Variants in PBLD observed in about 807,000 individuals in gnomAD.
PBLD encodes the protein phenazine biosynthesis like protein domain containing, also known as phenazine biosynthesis-like domain-containing protein.
Under a neutral mutation model 31.3 loss-of-function variants are expected in PBLD, and 26 were observed. The ratio of observed to expected loss-of-function variants is 0.83; its 90% CI spans 0.61 to 1.15. The LOEUF (loss-of-function observed/expected upper bound fraction) is 1.15. PBLD is among the 50% of genes most tolerant of loss of function. The pLI, the probability that PBLD is intolerant of heterozygous loss-of-function variation, is 0.00. For synonymous variants in PBLD, 114 were observed against 129.0 expected (o/e 0.88, Z 0.79); for missense variants, 307 against 351.7 (o/e 0.87, Z 1.02).
At chr10:68,327,860 A>T (rs1477166685) in intron 1 of PBLD, among the ~76,000 whole-genome samples, 3 of 152,168 alleles carry the variant, frequency 2.0e-5, no homozygotes, top group Admixed American at 1.3e-4. Context: ...ATTCACTGGA[A>T]CAAAAAGAAT....
chr10:68,332,518 C>G (rs531757806), intron 1 of PBLD, among the ~76,000 whole-genome samples: 2 of 152,324 alleles, frequency 1.3e-5, no homozygotes, highest in Admixed American at 1.3e-4. Flanking sequence ...GGTACAGTGG[C>G]GCGGCCACCT....
intron 1 of PBLD, among the ~76,000 whole-genome samples, chr10:68,324,504 C>T (rs1378918418): frequency 2.0e-5 from 3 of 152,008 alleles, no homozygotes; most frequent in African/African-American, 7.2e-5. Flanking sequence ...CCTCCTGTAT[C>T]TATCCCTAAT....
Position 68,284,280 on chromosome 10 carries a change from C to T in PBLD, c.764G>A (p.Cys255Tyr), listed in dbSNP as rs777176794. 4 of 1,612,990 alleles carry T rather than the reference C, an allele frequency of 2.5e-6. No homozygotes were observed. Among genetic ancestry groups the T allele is most frequent in the Non-Finnish European group, 3.4e-6 (4 of 1,179,068 alleles). ...TCCCAGCTCTCCTCCTCGGTGGGAA[C>T]ACTGAAAAGCTAAAGAAAACAAACA... ...LGKKEMHAFQ[C>Y]SHRGGELGIS... is the part of the protein sequence containing the mutation. Residue 255 changes from cysteine to tyrosine, a missense_variant, in exon 10 of 10, where the codon TGT (cysteine) becomes TAT (tyrosine). Physicochemically the swap from Cys to Tyr is radical, Grantham distance 194. Coordinates refer to ENST00000358769, the MANE Select transcript of PBLD (RefSeq NM_022129.4).
intron 1 of PBLD, among the ~76,000 whole-genome samples, chr10:68,307,566 C>G (rs1236535323): frequency 6.6e-6 from 1 of 152,078 alleles, no homozygotes; most frequent in African/African-American, 2.4e-5. Context: ...GTGGCATGAT[C>G]TTGGCTCACT....
At chr10:68,307,522 C>A (rs541571912) in intron 1 of PBLD, among the ~76,000 whole-genome samples, 3 of 151,780 alleles carry the variant, frequency 2.0e-5, no homozygotes, top group East Asian at 3.9e-4. Context: ...TTTTTTGAGA[C>A]GGAGCATCGC....
At chr10:68,303,839 T>C (rs983981441) in intron 2 of PBLD, among the ~76,000 whole-genome samples, 7 of 151,918 alleles carry the variant, frequency 4.6e-5, no homozygotes, top group African/African-American at 1.5e-4. Flanking sequence ...AAAAATCATC[T>C]GAAGCCCTGC....
intron 6 of PBLD, 41 bp downstream of exon 6, chr10:68,291,969 A>G: frequency 6.5e-7 from 1 of 1,531,434 alleles, no homozygotes; most frequent in Non-Finnish European, 9.0e-7. Flanking sequence ...TGTGCAAACA[A>G]TAACAAATAA....
At chr10:68,290,751 T>A (rs968253783) in intron 6 of PBLD, among the ~76,000 whole-genome samples, 1 of 152,164 alleles carries the variant, frequency 6.6e-6, no homozygotes, top group African/African-American at 2.4e-5. Flanking sequence ...TGGCTGGGAA[T>A]CTTACTGCCA....
intron 2 of PBLD, among the ~76,000 whole-genome samples, chr10:68,298,348 C>A (rs1319139440): frequency 6.6e-6 from 1 of 151,898 alleles, no homozygotes; most frequent in Non-Finnish European, 1.5e-5. Flanking sequence ...ATAATCCCAG[C>A]ACTTTGGGAG....
At chr10:68,322,559 G>A (rs1240081421) in intron 1 of PBLD, among the ~76,000 whole-genome samples, 1 of 151,194 alleles carries the variant, frequency 6.6e-6, no homozygotes, top group East Asian at 2.0e-4. Flanking sequence ...AGCTAGTTGG[G>A]AGGCTAAGGC....
intron 7 of PBLD, 59 bp from the exon 8 acceptor site, chr10:68,288,720 G>A: frequency 6.4e-7 from 1 of 1,561,616 alleles, no homozygotes; most frequent in East Asian, 2.2e-5. Flanking sequence ...TCACCACACA[G>A]ACTCTGTGAA....
intron 2 of PBLD, among the ~76,000 whole-genome samples, chr10:68,298,933 CATCTCTACTAA>C (rs1039842779): frequency 2.6e-5 from 4 of 151,750 alleles, no homozygotes; most frequent in Admixed American, 2.6e-4. Context: ...GGAGAAACTC[CATCTCTACTAA>C]AAATACAAAA....
At chr10:68,318,375 T>A (rs1396554911) in intron 1 of PBLD, among the ~76,000 whole-genome samples, 4 of 51,284 alleles carry the variant, frequency 7.8e-5, no homozygotes, top group African/African-American at 8.2e-5. Flanking sequence ...CTGCCTCTAT[T>A]AAAAAAAAAA....
intron 1 of PBLD, among the ~76,000 whole-genome samples, chr10:68,307,769 G>T: frequency 6.6e-6 from 1 of 152,130 alleles, no homozygotes; most frequent in Non-Finnish European, 1.5e-5. Context: ...AAAGTGCTGG[G>T]ATTACAGGCA....
At chr10:68,327,405 C>T (rs1370488997) in intron 1 of PBLD, among the ~76,000 whole-genome samples, 1 of 151,348 alleles carries the variant, frequency 6.6e-6, no homozygotes, top group Admixed American at 6.6e-5. Flanking sequence ...TGGGGCTGGG[C>T]GCTGTGGCTC....
intron 1 of PBLD, chr10:68,331,974 T>C (rs1488774457): frequency 1.3e-5 from 2 of 152,564 alleles, no homozygotes; most frequent in South Asian, 2.1e-4. Context: ...CGAAACCGAC[T>C]TTCCCGTCTC....
intron 1 of PBLD, chr10:68,332,309 T>G (rs1589688912): frequency 1.3e-5 from 2 of 150,272 alleles, no homozygotes; most frequent in Middle Eastern, 3.5e-3. Context: ...GGTTGGGGGG[T>G]AGTGGGGTGG....
chr10:68,306,070 T>C (rs1224648658), intron 2 of PBLD, among the ~76,000 whole-genome samples: 2 of 150,114 alleles, frequency 1.3e-5, no homozygotes, highest in Admixed American at 1.3e-4. Context: ...AAGGTCAATA[T>C]TCCTTGACCT....
At chr10:68,301,884 G>A (rs539999051) in intron 2 of PBLD, among the ~76,000 whole-genome samples, 1 of 152,208 alleles carries the variant, frequency 6.6e-6, no homozygotes, top group Admixed American at 6.5e-5. Flanking sequence ...TTATATAACT[G>A]TAACTTCTAT....
Sources: allele counts gnomAD v4.1 joint callset (sites outside exome capture counted in the v4.1 genomes callset), GRCh38; gene constraint gnomAD v4.1.1; transcripts MANE v1.5; gene names NCBI Gene and HGNC (gene_info 2026-07-23, HGNC 2026-07-21).